MGAT4C: variants seen among roughly 807,000 people sequenced by gnomAD.
MGAT4C encodes alpha-1,3-mannosyl-glycoprotein 4-beta-N-acetylglucosaminyltransferase C.
Under a neutral mutation model 40.1 loss-of-function variants are expected in MGAT4C, and 19 were observed. The ratio of observed to expected loss-of-function variants is 0.47; its 90% CI spans 0.33 to 0.70. The LOEUF (loss-of-function observed/expected upper bound fraction) is 0.70, where lower values mean the gene tolerates loss of function less well. MGAT4C is among the 30% of genes least tolerant of loss of function. MGAT4C has a pLI of 0.02. For missense variants in MGAT4C, 491 were observed against 563.2 expected (o/e 0.87, Z 1.30); for synonymous variants, 181 against 187.1 (o/e 0.97, Z 0.27).
At chr12:86,214,800 G>A (rs1264418093) in intron 1 of MGAT4C, among the ~76,000 whole-genome samples, 2 of 152,152 alleles carry the variant, frequency 1.3e-5, no homozygotes, top group Non-Finnish European at 2.9e-5. Context: ...GTCCATGTAA[G>A]TCTTATTCAC....
intron 4 of MGAT4C, among the ~76,000 whole-genome samples, chr12:86,321,687 C>A (rs147961619): frequency 2.0e-5 from 3 of 152,182 alleles, no homozygotes; most frequent in South Asian, 2.1e-4. Flanking sequence ...CATCTCACAC[C>A]AGTTAGAATG....
chr12:86,752,806 T>C (rs1239717258), intron 1 of MGAT4C, among the ~76,000 whole-genome samples: 4 of 152,072 alleles, frequency 2.6e-5, no homozygotes, highest in Non-Finnish European at 5.9e-5. Flanking sequence ...ATTGAACAAA[T>C]ATACCCTTTT....
intron 1 of MGAT4C, among the ~76,000 whole-genome samples, chr12:86,097,142 T>G (rs1297817296): frequency 1.3e-5 from 2 of 151,668 alleles, no homozygotes; most frequent in African/African-American, 2.4e-5. Flanking sequence ...AATCTTGGTC[T>G]CAAAATTTCA....
chr12:86,073,051 C>T (rs539321612), intron 1 of MGAT4C, among the ~76,000 whole-genome samples: 5 of 152,198 alleles, frequency 3.3e-5, no homozygotes, highest in Admixed American at 1.3e-4. Context: ...ATTTTAGCTC[C>T]CGTAATTCCC....
exon 1 of MGAT4C, chr12:86,838,679 C>T (rs1953090077): frequency 6.6e-6 from 1 of 152,114 alleles, no homozygotes; most frequent in South Asian, 2.1e-4. Context: ...CAGAGAAAAC[C>T]TGCCCGATAA....
chr12:86,134,734 C>T (rs839135), intron 1 of MGAT4C, among the ~76,000 whole-genome samples: 123,733 of 152,002 alleles, frequency 0.81, 50,723 homozygotes, highest in East Asian at 0.97. Flanking sequence ...TTCTGGAGCA[C>T]TGCTAAGCTT....
At position 86,712,289 on chromosome 12, in the gene MGAT4C, C is replaced by CA. The variant is rs574111806; in HGVS notation, c.-229+14919dup. On this transcript the variant is annotated intron_variant, in intron 2 of 7. Transcript: ENST00000548651. ...AACAATAAAATACAACATTCCAACT[C>CA]AAAAAAATATATAAAAGGATGGCAT... Among the ~76,000 whole-genome samples the CA allele has an allele frequency of 5.1e-4, 77 of 151,872 alleles. 2 individuals carry two copies. In the South Asian group the frequency reaches 0.015, roughly 30 times the overall value.
At chr12:86,023,458 G>T (rs1889955330) in intron 2 of MGAT4C, among the ~76,000 whole-genome samples, 1 of 151,102 alleles carries the variant, frequency 6.6e-6, no homozygotes, top group Non-Finnish European at 1.5e-5. Context: ...GTAGGATTTA[G>T]GTATCCTCAT....
intron 1 of MGAT4C, among the ~76,000 whole-genome samples, chr12:86,219,373 T>TTG (rs60933121): frequency 0.76 from 114,858 of 151,040 alleles, 44,079 homozygotes; most frequent in Middle Eastern, 0.83. Context: ...CTGTTCTAAA[T>TTG]CTAAAATTGT....
At chr12:86,378,309 G>C (rs1955868965) in intron 3 of MGAT4C, among the ~76,000 whole-genome samples, 3 of 151,988 alleles carry the variant, frequency 2.0e-5, no homozygotes, top group Non-Finnish European at 4.4e-5. Flanking sequence ...CTGTTATCTG[G>C]TTATATGAAT....
At chr12:86,021,007 T>C (rs1215296108) in intron 2 of MGAT4C, among the ~76,000 whole-genome samples, 2 of 152,142 alleles carry the variant, frequency 1.3e-5, no homozygotes, top group Non-Finnish European at 2.9e-5. Flanking sequence ...TCACTGGCCA[T>C]GAGAGAAATG....
At chr12:86,394,616 T>TTATATATATATATATA (rs71076194) in intron 3 of MGAT4C, among the ~76,000 whole-genome samples, 1 of 135,472 alleles carries the variant, frequency 7.4e-6, no homozygotes, top group Non-Finnish European at 1.6e-5. Flanking sequence ...TATATATACT[T>TTATATATATATATATA]TATATATATA....
chr12:86,540,773 CTGAAACCACTCAGTT>C lies in MGAT4C; in HGVS notation c.-228-105523_-228-105509del, dbSNP rs376936304. The stretch of plus-strand genomic sequence containing the variant: ...GAGAGAGAGAGAGAGAAATTCTAAG[CTGAAACCACTCAGTT>C]TGAATTTGGGAATTCATATTTTTAA... On this transcript the variant is annotated intron_variant, in intron 2 of 7. Transcript: ENST00000548651. Among the ~76,000 whole-genome samples, 363 of 151,892 alleles carry C rather than the reference CTGAAACCACTCAGTT, an allele frequency of 2.4e-3. 5 individuals carry two copies. The highest frequency in any genetic ancestry group is 8.5e-3 in the African/African-American group (349 of 41,258).
At chr12:86,806,449 T>TGA (rs1555231911) in intron 1 of MGAT4C, among the ~76,000 whole-genome samples, 3 of 150,062 alleles carry the variant, frequency 2.0e-5, no homozygotes, top group East Asian at 2.0e-4. Context: ...TGTGTGTGTG[T>TGA]GAGAGAGAGA....
intron 2 of MGAT4C, among the ~76,000 whole-genome samples, chr12:86,497,824 A>G (rs1453018965): frequency 6.7e-6 from 1 of 148,276 alleles, no homozygotes; most frequent in Non-Finnish European, 1.5e-5. Context: ...AGCTCTATGC[A>G]AATTCTTTTT....
chr12:86,591,463 T>C (rs1243001239), intron 2 of MGAT4C, among the ~76,000 whole-genome samples: 2 of 151,980 alleles, frequency 1.3e-5, no homozygotes, highest in Admixed American at 6.6e-5. Context: ...CACCTAGTAT[T>C]TGAATGATTA....
intron 2 of MGAT4C, among the ~76,000 whole-genome samples, chr12:86,606,376 TA>T (rs1962047767): frequency 6.6e-6 from 1 of 152,156 alleles, no homozygotes; most frequent in Non-Finnish European, 1.5e-5. Flanking sequence ...ATTTTTAACT[TA>T]AGTAATTATT....
chr12:86,478,898 C>A (rs1306966992), intron 2 of MGAT4C, among the ~76,000 whole-genome samples: 2 of 151,952 alleles, frequency 1.3e-5, no homozygotes, highest in Admixed American at 1.3e-4. Flanking sequence ...TATTTAATAT[C>A]TATTTTTAAA....
intron 2 of MGAT4C, among the ~76,000 whole-genome samples, chr12:86,700,106 TGATA>T (rs1173008008): frequency 3.4e-4 from 49 of 143,514 alleles, no homozygotes; most frequent in Non-Finnish European, 5.0e-4. Flanking sequence ...GATAGATAGA[TGATA>T]GATAGGTAGA....
Sources: allele counts gnomAD v4.1 joint callset (sites outside exome capture counted in the v4.1 genomes callset), GRCh38; gene constraint gnomAD v4.1.1; transcripts MANE v1.5; gene names NCBI Gene and HGNC (gene_info 2026-07-23, HGNC 2026-07-21).